Variants in ROR2 observed in about 807,000 individuals in gnomAD.
ROR2 encodes the protein ROR family WNT receptor 2.
ROR2 carries 33 observed loss-of-function variants against 74.9 expected under a neutral mutation model. The ratio of observed to expected loss-of-function variants is 0.44; its 90% confidence interval spans 0.33 to 0.59. ROR2 has a LOEUF of 0.59. Ranked by LOEUF, ROR2 falls within the 20% of genes least tolerant of loss-of-function variation. ROR2 has a pLI of 0.02. For missense variants in ROR2, 1,216 were observed against 1,313.8 expected, an observed-to-expected ratio of 0.93 and a Z score of 1.15; for synonymous variants, 586 against 558.7, an observed-to-expected ratio of 1.05 and a Z score of -0.69.
chr9:91,824,155 G>C (rs555425066), intron 1 of ROR2, among the ~76,000 whole-genome samples: 13 of 152,308 alleles, frequency 8.5e-5, no homozygotes, highest in Admixed American at 5.9e-4. Context: ...TCACGACCAG[G>C]CCACCTTCCC....
intron 1 of ROR2, among the ~76,000 whole-genome samples, chr9:91,946,920 A>G (rs1176636798): frequency 1.3e-5 from 2 of 152,190 alleles, no homozygotes; most frequent in Non-Finnish European, 2.9e-5. Flanking sequence ...GAGCTTCCAA[A>G]GAAAAGAGCA....
At chr9:91,767,869 C>T (rs115468340) in intron 2 of ROR2, among the ~76,000 whole-genome samples, 46 of 152,300 alleles carry the variant, frequency 3.0e-4, no homozygotes, top group African/African-American at 1.1e-3. Context: ...GACCCGTGTC[C>T]CCCAGCCACT....
rs1448966892 is a variant in ROR2 at position 91,853,747 on chromosome 9, C to T, written c.98-77929G>A. 5.9e-5 allele frequency among the ~76,000 whole-genome samples: 9 copies of T among 152,242 alleles called. No individual in the cohort carries two copies. In the East Asian group the frequency reaches 1.4e-3, roughly 23 times the overall value. On this transcript the variant is annotated intron_variant, in intron 1 of 8. Coordinates refer to ENST00000375708, the MANE Select transcript of ROR2 (RefSeq NM_004560.4). ...GCCCGGGCTGATGCTGTGACAGTAGCGCATGAAGAGCCGAGTTGGTCAAAT... is the reference window on the plus strand; with the variant it reads ...GCCCGGGCTGATGCTGTGACAGTAGTGCATGAAGAGCCGAGTTGGTCAAAT...
At chr9:91,739,729 T>C (rs919930506) in intron 4 of ROR2, among the ~76,000 whole-genome samples, 3 of 152,154 alleles carry the variant, frequency 2.0e-5, no homozygotes, top group African/African-American at 4.8e-5. Flanking sequence ...TCACCAGCCA[T>C]TGTTTCCTTG....
chr9:91,789,639 T>C (rs1039680658), intron 1 of ROR2, among the ~76,000 whole-genome samples: 2 of 152,074 alleles, frequency 1.3e-5, no homozygotes, highest in African/African-American at 4.8e-5. Context: ...AAACTAGATT[T>C]TAAAAAATTT....
intron 1 of ROR2, among the ~76,000 whole-genome samples, chr9:91,782,138 A>T (rs1826640791): frequency 6.6e-6 from 1 of 152,216 alleles, no homozygotes; most frequent in Non-Finnish European, 1.5e-5. Context: ...CCCCCACCAG[A>T]TACAGTGAGA....
intron 1 of ROR2, among the ~76,000 whole-genome samples, chr9:91,810,247 T>A (rs1827703759): frequency 6.6e-6 from 1 of 152,116 alleles, no homozygotes; most frequent in African/African-American, 2.4e-5. Context: ...TGGGCTGGCG[T>A]CTTTGGGAAG....
rs141017698 is a variant in ROR2, at chr9:91,906,839, G to A, written c.97+43028C>T. Among the ~76,000 whole-genome samples the A allele has an allele frequency of 4.6e-3, 701 of 152,226 alleles. 7 individuals carry two copies. Among genetic ancestry groups the A allele is most frequent in the African/African-American group, 0.016 (667 of 41,522 alleles). Reference sequence around the variant, plus strand: ...AAGGTCCAGGCTCCAGCTTTAGAGCGCCTAGAACTCAGTGGATTCAGGTTT... The same window carrying A: ...AAGGTCCAGGCTCCAGCTTTAGAGCACCTAGAACTCAGTGGATTCAGGTTT... On this transcript the variant is annotated intron_variant, in intron 1 of 8. Coordinates refer to ENST00000375708, the MANE Select transcript of ROR2 (RefSeq NM_004560.4).
intron 8 of ROR2, among the ~76,000 whole-genome samples, chr9:91,725,381 G>A (rs1441882408): frequency 2.0e-5 from 3 of 152,098 alleles, no homozygotes; most frequent in African/African-American, 7.2e-5. Context: ...ATCCAGCTGG[G>A]ACACACTGAC....
rs149016959 is a variant in ROR2 at position 91,881,996 on chromosome 9, A to G, written c.97+67871T>C. Among the ~76,000 whole-genome samples the G allele has an allele frequency of 4.8e-3, 737 of 152,266 alleles. 6 individuals carry two copies. Among genetic ancestry groups the G allele is most frequent in the African/African-American group, 0.017 (705 of 41,538 alleles). On this transcript the variant is annotated intron_variant, in intron 1 of 8. Coordinates refer to ENST00000375708, the MANE Select transcript of ROR2 (RefSeq NM_004560.4). The stretch of plus-strand genomic sequence containing the variant: ...GCAAATGGAGTGTAGGGTTCCACAC[A>G]GGAGCCACCTCTCCTTGTCATGTAC...
chr9:91,841,609 T>C (rs1828784111), intron 1 of ROR2, among the ~76,000 whole-genome samples: 1 of 152,266 alleles, frequency 6.6e-6, no homozygotes, highest in Non-Finnish European at 1.5e-5. Context: ...TAAATGTGTA[T>C]TTCCATGCAA....
chr9:91,894,001 C>CT (rs1830482442), intron 1 of ROR2, among the ~76,000 whole-genome samples: 1 of 152,176 alleles, frequency 6.6e-6, no homozygotes, highest in Admixed American at 6.5e-5. Context: ...TAGCATAAAA[C>CT]TAAGTCACAA....
intron 4 of ROR2, among the ~76,000 whole-genome samples, chr9:91,747,704 C>CTCTG (rs1554755128): frequency 6.6e-6 from 1 of 151,634 alleles, no homozygotes; most frequent in Non-Finnish European, 1.5e-5. Context: ...TCTCTCCTAT[C>CTCTG]TTTGGTTAAG....
chr9:91,826,799 A>G (rs868007172), intron 1 of ROR2, among the ~76,000 whole-genome samples: 33 of 150,196 alleles, frequency 2.2e-4, no homozygotes, highest in African/African-American at 7.8e-4. Flanking sequence ...AAAAAAGAAA[A>G]AAGAAAAAAG....
At chr9:91,796,452 A>C (rs1452892808) in intron 1 of ROR2, among the ~76,000 whole-genome samples, 3 of 151,938 alleles carry the variant, frequency 2.0e-5, no homozygotes, top group Non-Finnish European at 4.4e-5. Context: ...AAAAAAAAAA[A>C]AAACATTTTC....
At chr9:91,897,028 G>A (rs1033314034) in intron 1 of ROR2, among the ~76,000 whole-genome samples, 4 of 152,312 alleles carry the variant, frequency 2.6e-5, no homozygotes, top group Non-Finnish European at 5.9e-5. Flanking sequence ...CATGCTCCTC[G>A]TGAAAGCTCC....
intron 1 of ROR2, among the ~76,000 whole-genome samples, chr9:91,921,653 CA>C (rs1564039952): frequency 6.6e-6 from 1 of 152,118 alleles, no homozygotes; most frequent in African/African-American, 2.4e-5. Flanking sequence ...TACTTGAGGT[CA>C]GAAGTAGGAG....
intron 1 of ROR2, among the ~76,000 whole-genome samples, chr9:91,806,832 G>A (rs773316724): frequency 1.4e-4 from 21 of 152,192 alleles, no homozygotes; most frequent in South Asian, 2.1e-4. Flanking sequence ...CTTGTGATCC[G>A]CCCGCCTCGG....
rs373904882 is a variant in ROR2, at chr9:91,757,434, G to A, written c.301C>T (p.Pro101Ser). The change falls in exon 3 of 9, where the codon CCG (proline) becomes TCG (serine). Residue 101 changes from proline (P) to serine (S), a missense_variant. Coordinates refer to ENST00000375708, the MANE Select transcript of ROR2 (RefSeq NM_004560.4). ...PNVRWLKNDAPVVQEPRRIII... is the reference protein window; with the variant it reads ...PNVRWLKNDASVVQEPRRIII... ...ATCCGCCGCGGCTCCTGCACCACCG[G>A]GGCATCATTCTTTAGCCACCGCACG... 6.2e-7 allele frequency: 1 copy of A among 1,613,750 alleles called. No homozygotes were observed. The highest frequency in any genetic ancestry group is 1.7e-5 in the Admixed American group (1 of 59,968).
Sources: gnomAD v4.1 joint callset for allele counts (sites outside exome capture counted in the v4.1 genomes callset) on GRCh38, gnomAD v4.1.1 for gene constraint, MANE v1.5 for transcripts, NCBI Gene and HGNC (gene_info 2026-07-23, HGNC 2026-07-21) for gene names.